Variants in PRKAR1B observed in about 807,000 individuals in gnomAD.
PRKAR1B encodes cAMP-dependent protein kinase type I-beta regulatory subunit.
Under a neutral mutation model 46.5 loss-of-function variants are expected in PRKAR1B, and 22 were observed. The observed-to-expected ratio is 0.47, with a 90% confidence interval of 0.34 to 0.68. The LOEUF (loss-of-function observed/expected upper bound fraction) is 0.68, where lower values mean the gene tolerates loss of function less well. Ranked by LOEUF, PRKAR1B falls within the 30% of genes least tolerant of loss-of-function variation. PRKAR1B has a pLI of 0.01. For synonymous variants in PRKAR1B, 259 were observed against 217.7 expected (o/e 1.19, Z -1.67); for missense variants, 445 against 535.6 (o/e 0.83, Z 1.67).
intron 1 of PRKAR1B, among the ~76,000 whole-genome samples, chr7:713,695 C>A (rs1022187638): frequency 6.6e-6 from 1 of 152,208 alleles, no homozygotes; most frequent in Non-Finnish European, 1.5e-5. Context: ...ACCTGTCCAG[C>A]TTTCTTGTTC....
At chr7:556,845 G>A (rs1778475542) in intron 9 of PRKAR1B, among the ~76,000 whole-genome samples, 1 of 152,212 alleles carries the variant, frequency 6.6e-6, no homozygotes, top group Non-Finnish European at 1.5e-5. Flanking sequence ...GGGGGACGCT[G>A]CCTCTGTCCC....
At chr7:660,522 C>G (rs1008671236) in intron 4 of PRKAR1B, among the ~76,000 whole-genome samples, 1 of 113,306 alleles carries the variant, frequency 8.8e-6, no homozygotes, top group Admixed American at 8.2e-5. Flanking sequence ...TACTCTCCCC[C>G]CCATGGCACA....
chr7:716,035 T>TA (rs1562362854), intron 1 of PRKAR1B, among the ~76,000 whole-genome samples: 4 of 82,346 alleles, frequency 4.9e-5, no homozygotes, highest in Non-Finnish European at 1.1e-4. Flanking sequence ...CTTTATATAT[T>TA]TTTTTTTTTA....
At chr7:726,945 C>T in intron 1 of PRKAR1B, 2 of 1,335,470 alleles carry the variant, frequency 1.5e-6, no homozygotes, top group African/African-American at 1.5e-5. Flanking sequence ...CCTGGGCGCG[C>T]CTACTGCTGC....
intron 4 of PRKAR1B, among the ~76,000 whole-genome samples, chr7:668,857 G>T (rs1318681220): frequency 6.6e-6 from 1 of 152,194 alleles, no homozygotes; most frequent in Non-Finnish European, 1.5e-5. Context: ...CTGAAACGCA[G>T]TTGCCACCAA....
chr7:682,595 A>G (rs1237654950), intron 2 of PRKAR1B, among the ~76,000 whole-genome samples: 2 of 151,728 alleles, frequency 1.3e-5, no homozygotes, highest in Non-Finnish European at 2.9e-5. Context: ...AATACAAAAA[A>G]TTAGCTGGGT....
chr7:622,727 C>G (rs1465251795), intron 4 of PRKAR1B, among the ~76,000 whole-genome samples: 1 of 152,140 alleles, frequency 6.6e-6, no homozygotes, highest in South Asian at 2.1e-4. Flanking sequence ...TGACAAGGAG[C>G]AGACGGGAAT....
In PRKAR1B at chr7:549,696, C is replaced by T. The variant is rs1434519399; in HGVS notation, c.*734G>A. The T allele has an allele frequency of 2.6e-5, 4 of 152,264 alleles. No homozygotes were observed. The highest frequency in any genetic ancestry group is 9.7e-5 in the African/African-American group (4 of 41,420). The allele number at this position is 152,264 out of a possible 1,614,324, so 9.4% of individuals were successfully genotyped here. On this transcript the variant is annotated 3_prime_UTR_variant, in exon 11 of 11. Coordinates refer to ENST00000537384, the MANE Select transcript of PRKAR1B (RefSeq NM_001164760.2). ...CGGCCTGCTGGAGTCCCGCCAGCCC[C>T]TCCCAAAGGAACTTCGAGCCCGGCC...
intron 9 of PRKAR1B, among the ~76,000 whole-genome samples, chr7:552,437 A>C (rs370700433): frequency 2.6e-3 from 34 of 13,316 alleles, no homozygotes; most frequent in Admixed American, 3.9e-3. Flanking sequence ...CCCACCTCCC[A>C]CCCAGGTCCT....
intron 1 of PRKAR1B, among the ~76,000 whole-genome samples, chr7:725,985 C>A (rs1325293456): frequency 6.6e-6 from 1 of 152,112 alleles, no homozygotes; most frequent in Non-Finnish European, 1.5e-5. Context: ...TGGCCCCCTA[C>A]CTGCCTAATT....
intron 7 of PRKAR1B, among the ~76,000 whole-genome samples, chr7:589,825 G>C (rs1414626105): frequency 6.6e-6 from 1 of 152,366 alleles, no homozygotes; most frequent in East Asian, 1.9e-4. Context: ...CCTCACGTGA[G>C]ACTGGAGAAG....
chr7:672,190 G>A (rs1370495945), intron 4 of PRKAR1B, among the ~76,000 whole-genome samples: 7 of 151,686 alleles, frequency 4.6e-5, no homozygotes, highest in African/African-American at 1.2e-4. Flanking sequence ...TCGCTCTGTC[G>A]CCCAGGCTGG....
At position 550,592 on chromosome 7, in the gene PRKAR1B, T is replaced by G. The variant is rs28626752; in HGVS notation, c.984A>C (p.Ala328=). Residue 328 remains alanine, a synonymous_variant, in exon 11 of 11, where the codon GCA becomes GCC. Transcript: ENST00000537384. ...CCGCCCGGGGCCGGTTCAGCAGCAG[T>G]GCAATCTCCCCTGGGGGTTGAAGAG... The part of the protein sequence containing the change: ...LGPSDYFGEI[A]LLLNRPRAAT... 1.9e-6 allele frequency: 3 copies of G among 1,579,904 alleles called. No individual in the cohort carries two copies. Among genetic ancestry groups the G allele is most frequent in the Non-Finnish European group, 2.6e-6 (3 of 1,166,256 alleles).
chr7:623,493 G>A (rs1345783143), intron 4 of PRKAR1B, among the ~76,000 whole-genome samples: 2 of 152,206 alleles, frequency 1.3e-5, no homozygotes, highest in Non-Finnish European at 2.9e-5. Flanking sequence ...TTTGATATCT[G>A]ATCATCCTCA....
intron 9 of PRKAR1B, among the ~76,000 whole-genome samples, chr7:571,884 C>T (rs1025200003): frequency 2.4e-4 from 37 of 152,354 alleles, no homozygotes; most frequent in Admixed American, 2.3e-3. Flanking sequence ...TCCGGGAGCC[C>T]GCACAGCCCT....
chr7:668,616 G>A (rs569954547), intron 4 of PRKAR1B, among the ~76,000 whole-genome samples: 16 of 152,288 alleles, frequency 1.1e-4, no homozygotes, highest in East Asian at 3.9e-4. Context: ...TTTCTTGTCC[G>A]CGTAGCTCTC....
rs139933443 is a variant in PRKAR1B, at chr7:681,005, T to C, written c.178-279A>G. On this transcript the variant is annotated intron_variant, in intron 2 of 10. Coordinates refer to ENST00000537384, the MANE Select transcript of PRKAR1B (RefSeq NM_001164760.2). Reference sequence around the variant, plus strand: ...CCATCATCCCCATCATCCCCACTTGTCCAGGGAGAGACCAGGTGGAGGCGA... The same window carrying C: ...CCATCATCCCCATCATCCCCACTTGCCCAGGGAGAGACCAGGTGGAGGCGA... Among the ~76,000 whole-genome samples the C allele has an allele frequency of 1.7e-3, 256 of 152,268 alleles. 1 individual carries two copies. Among genetic ancestry groups the C allele is most frequent in the African/African-American group, 5.9e-3 (244 of 41,542 alleles).
chr7:704,212 G>A (rs115850871), intron 2 of PRKAR1B, among the ~76,000 whole-genome samples: 1 of 151,830 alleles, frequency 6.6e-6, no homozygotes, highest in Non-Finnish European at 1.5e-5. Context: ...AATAAGAGGA[G>A]AAACAGATAA....
At chr7:641,203 C>T (rs1042079365) in intron 4 of PRKAR1B, among the ~76,000 whole-genome samples, 9 of 152,140 alleles carry the variant, frequency 5.9e-5, no homozygotes, top group Non-Finnish European at 1.3e-4. Flanking sequence ...CCGCCCGCCT[C>T]GGCCTCCCAA....
Sources: allele counts gnomAD v4.1 joint callset (sites outside exome capture counted in the v4.1 genomes callset), GRCh38; gene constraint gnomAD v4.1.1; transcripts MANE v1.5; gene names NCBI Gene and HGNC (gene_info 2026-07-23, HGNC 2026-07-21).